The following NELFE variants were observed in gnomAD, a reference collection of about 807,000 sequenced individuals.
NELFE encodes the protein negative elongation factor E.
In NELFE, 26 loss-of-function variants were observed where a neutral mutation model predicts 55.5. That is an observed-to-expected ratio of 0.47 (90% CI 0.34 to 0.65). The LOEUF is 0.65. Ranked by LOEUF, NELFE falls within the 30% of genes least tolerant of loss-of-function variation. The pLI is 0.01. For missense variants in NELFE, 403 were observed against 506.9 expected (o/e 0.80, Z 1.97); for synonymous variants, 162 against 178.0 (o/e 0.91, Z 0.72).
Position 31,958,876 on chromosome 6 carries a change from A to G in NELFE, c.-9+16T>C, listed in dbSNP as rs1196162342. 1 of 607,694 alleles carries G rather than the reference A, an allele frequency of 1.6e-6. No homozygotes were observed. Among genetic ancestry groups the G allele is most frequent in the Non-Finnish European group, 2.9e-6 (1 of 341,304 alleles). The allele number at this position is 607,694 out of a possible 1,614,324, so 37.6% of individuals were successfully genotyped here. A position where few individuals can be genotyped will look rare whatever the true frequency, so the allele number is the denominator to read the frequency against. ...ATGAGAAAAAGGGCCGAAGAGTGAG[A>G]AGCAGAGGGCCTTACCCGAGGGGGC... On this transcript the variant is annotated intron_variant, in intron 1 of 10. Transcript: ENST00000375429.
chr6:31,955,628 T>A (rs955243983), intron 4 of NELFE, among the ~76,000 whole-genome samples: 2 of 151,300 alleles, frequency 1.3e-5, no homozygotes, highest in African/African-American at 4.9e-5. Context: ...TCTGTATTTT[T>A]TTTTTTTTTT....
rs1771999473 is a variant in NELFE, at chr6:31,955,100, TAA to T, written c.367-6_367-5del. On this transcript the variant is annotated splice_polypyrimidine_tract_variant and splice_region_variant and intron_variant, in intron 5 of 10. Transcript: ENST00000375429. ...TCCTCTGGGGACGTCTGGATGACTG[TAA>T]AAGAGACCAAGAACAGTTAAGATGA... 2 of 1,613,078 alleles carry T rather than the reference TAA, an allele frequency of 1.2e-6. No individual in the cohort carries two copies. Among genetic ancestry groups the T allele is most frequent in the Non-Finnish European group, 1.7e-6 (2 of 1,180,014 alleles).
Position 31,956,823 on chromosome 6 carries a change from G to A in NELFE, c.161C>T (p.Pro54Leu), listed in dbSNP as rs1772113971. The part of the protein sequence containing the change: ...GGVKRSLSEQ[P>L]VMDTATATEQ... ...TGTTGCTGTGGCTGTGTCCATGACAGGCTGCTCTGATAGTGCTGGAGAGAC... is the reference window on the plus strand; with the variant it reads ...TGTTGCTGTGGCTGTGTCCATGACAAGCTGCTCTGATAGTGCTGGAGAGAC... Residue 54 changes from proline to leucine, a missense_variant, in exon 4 of 11, where the codon CCT becomes CTT. Physicochemically the swap from Pro to Leu is moderately conservative, Grantham distance 98. Coordinates refer to ENST00000375429, the MANE Select transcript of NELFE (RefSeq NM_002904.6). The A allele has an allele frequency of 6.2e-7, 1 of 1,612,906 alleles. No homozygotes were observed. Among genetic ancestry groups the A allele is most frequent in the South Asian group, 1.1e-5 (1 of 91,090 alleles).
chr6:31,958,654 A>G, intron 1 of NELFE, 200 bp from the exon 2 acceptor site: 1 of 704,080 alleles, frequency 1.4e-6, no homozygotes, highest in Non-Finnish European at 2.6e-6. Context: ...GTCTCCAGGG[A>G]TCACAGACAC....
chr6:31,952,163 C>A lies in NELFE; in HGVS notation c.*138G>T. ...GTTGTTACACTGAGATCAAACCTGA[C>A]AGCCGTTTTTAAAGGTTTAACCCCA... is the stretch of plus-strand genomic sequence containing the variant. On this transcript the variant is annotated 3_prime_UTR_variant, in exon 11 of 11. Coordinates refer to ENST00000375429, the MANE Select transcript of NELFE (RefSeq NM_002904.6). 1 of 1,460,288 alleles carries A rather than the reference C, an allele frequency of 6.8e-7. No homozygotes were observed. The highest frequency in any genetic ancestry group is 1.2e-5 in the South Asian group (1 of 84,844). The allele number at this position is 1,460,288 out of a possible 1,614,324, so 90.5% of individuals were successfully genotyped here.
At chr6:31,957,484 G>A (rs1408847305) in intron 2 of NELFE, 7 of 457,780 alleles carry the variant, frequency 1.5e-5, no homozygotes, top group African/African-American at 4.0e-5. Context: ...AAGAGGTGCA[G>A]ATTATTCATA....
Position 31,958,910 on chromosome 6 carries a change from G to T in NELFE, c.-27C>A, listed in dbSNP as rs552049867. ...GCCTTACCCGAGGGGGCGGCAACCG[G>T]GGGCCCCACGGTCTCCGGCCGCGCC... On this transcript the variant is annotated 5_prime_UTR_variant, in exon 1 of 11. Transcript: ENST00000375429. 8.4e-6 allele frequency: 5 copies of T among 594,176 alleles called. No homozygotes were observed. The highest frequency in any genetic ancestry group is 1.9e-5 in the African/African-American group (1 of 53,666). The allele number at this position is 594,176 out of a possible 1,614,324, so 36.8% of individuals were successfully genotyped here.
Position 31,952,113 on chromosome 6 carries a change from G to C in NELFE, c.*188C>G, listed in dbSNP as rs1771811068. ...GTGTTCCAGATCCTTTTGGGGCAAG[G>C]GAGTGGGGAACAGGCACTGGCCATG... is the stretch of plus-strand genomic sequence containing the variant. On this transcript the variant is annotated 3_prime_UTR_variant, in exon 11 of 11. Transcript: ENST00000375429. 1 of 1,581,880 alleles carries C rather than the reference G, an allele frequency of 6.3e-7. No homozygotes were observed. The highest frequency in any genetic ancestry group is 1.3e-5 in the African/African-American group (1 of 74,288).
chr6:31,956,571 G>C (rs1772100383), intron 4 of NELFE, 122 bp downstream of exon 4: 1 of 1,028,980 alleles, frequency 9.7e-7, no homozygotes, highest in Non-Finnish European at 1.4e-6. Context: ...TTATACATGA[G>C]AGGTGAAACT....
Position 31,958,427 on chromosome 6 carries a change from C to T in NELFE, c.20G>A (p.Gly7Glu), listed in dbSNP as rs1478758627. ...CAGAGCCTCCTCTTCCTCGCTCAGTCCGGGGGGTATCACCAACATGGTGGC... is the reference window on the plus strand; with the variant it reads ...CAGAGCCTCCTCTTCCTCGCTCAGTTCGGGGGGTATCACCAACATGGTGGC... Reference protein sequence around the residue: MLVIPPGLSEEEEALQK... With the variant: MLVIPPELSEEEEALQK... The change falls in exon 2 of 11, where the codon GGA becomes GAA. Residue 7 changes from glycine (G) to glutamate (E), a missense_variant. Gly to Glu is a moderately conservative substitution (Grantham distance 98). Around this residue, in one of 3 missense-constraint regions of NELFE, gnomAD observed 97 missense variants for 155.3 expected, o/e 0.62. Coordinates refer to ENST00000375429, the MANE Select transcript of NELFE (RefSeq NM_002904.6). 1 of 1,613,104 alleles carries T rather than the reference C, an allele frequency of 6.2e-7. No individual in the cohort carries two copies. The highest frequency in any genetic ancestry group is 1.1e-5 in the South Asian group (1 of 91,088).
chr6:31,956,091 C>T (rs964522184), intron 4 of NELFE, among the ~76,000 whole-genome samples: 25 of 152,116 alleles, frequency 1.6e-4, no homozygotes, highest in African/African-American at 5.3e-4. Flanking sequence ...CCACCACGCC[C>T]GGCTAATTTT....
At chr6:31,953,979 T>C in intron 9 of NELFE, 101 bp downstream of exon 9, 1 of 1,422,342 alleles carries the variant, frequency 7.0e-7, no homozygotes, top group Non-Finnish European at 9.8e-7. Flanking sequence ...AGAGGCTTTC[T>C]TTATCAAGAG....
intron 10 of NELFE, among the ~76,000 whole-genome samples, chr6:31,952,884 T>C (rs1424115539): frequency 2.6e-5 from 4 of 152,208 alleles, no homozygotes; most frequent in African/African-American, 9.6e-5. Flanking sequence ...ATTCAGGGTG[T>C]AGCTTTGGCC....
chr6:31,953,856 G>A (rs1025727829), intron 9 of NELFE, 25 bp from the exon 10 acceptor site: 3 of 1,578,942 alleles, frequency 1.9e-6, no homozygotes, highest in Admixed American at 1.7e-5. Flanking sequence ...GGGAGGCAGA[G>A]GATGGGGAGG....
chr6:31,954,092 C>T lies in NELFE; in HGVS notation c.930G>A (p.Gln310=). The T allele has an allele frequency of 6.2e-7, 1 of 1,613,784 alleles. No homozygotes were observed. Residue 310 remains glutamine (Q), a synonymous_variant, in exon 9 of 11, where the codon CAG becomes CAA. Transcript: ENST00000375429. This position sits in a 1 kb window ranked among gnomAD's most constrained non-coding sequence, Gnocchi z 5.5. ...GGGAAGTTCCAACCTCAGCAACGGCCTGATCTGCTGACTCCATCTTTTCAT... is the reference window on the plus strand; with the variant it reads ...GGGAAGTTCCAACCTCAGCAACGGCTTGATCTGCTGACTCCATCTTTTCAT... ...VTYEKMESAD[Q]AVAELNGTQV...
rs757069365 is a variant in NELFE, at chr6:31,953,827, T to C, written c.947A>G (p.Asn316Ser). ...CTGTACAGACTCCACCTGGGTCCCG[T>C]TGAGCTGAAGCAGAAGAGGGGAGGC... ...ESADQAVAEL[N>S]GTQVESVQLK... is the part of the protein sequence containing the mutation. The change falls in exon 10 of 11, where the codon AAC (asparagine) becomes AGC (serine). Residue 316 changes from asparagine to serine, a missense_variant. Coordinates refer to ENST00000375429, the MANE Select transcript of NELFE (RefSeq NM_002904.6). 8.7e-6 allele frequency: 14 copies of C among 1,612,708 alleles called. No individual in the cohort carries two copies. In the South Asian group the frequency reaches 1.3e-4, roughly 15 times the overall value.
In NELFE at chr6:31,954,170, AG is replaced by A; in HGVS notation, c.888-37del. 1 of 1,611,516 alleles carries A rather than the reference AG, an allele frequency of 6.2e-7. No homozygotes were observed. The highest frequency in any genetic ancestry group is 8.5e-7 in the Non-Finnish European group (1 of 1,177,634). ...AGAAAACACGGTCAGTGGAGAGCCA[AG>A]GGGCTCTTCTGGACCCAACCAAACC... On this transcript the variant is annotated intron_variant, in intron 8 of 10. Transcript: ENST00000375429. This position sits in a 1 kb window ranked among gnomAD's most constrained non-coding sequence, Gnocchi z 5.5.
At chr6:31,955,197 G>A (rs1476974646) in intron 5 of NELFE, 22 bp downstream of exon 5, 9 of 1,611,246 alleles carry the variant, frequency 5.6e-6, no homozygotes, top group Non-Finnish European at 7.6e-6. Flanking sequence ...ACCCCTCAGG[G>A]ACAGAAATTA....
intron 2 of NELFE, 74 bp downstream of exon 2, chr6:31,958,298 T>C: frequency 1.4e-6 from 2 of 1,416,480 alleles, no homozygotes; most frequent in Non-Finnish European, 2.0e-6. Flanking sequence ...CCCCATTCGC[T>C]CACACTCACC....
Sources: gnomAD v4.1 joint callset for allele counts (sites outside exome capture counted in the v4.1 genomes callset) on GRCh38, gnomAD v4.1.1 for gene constraint, gnomAD v4.1.1 regional missense constraint, Gnocchi (gnomAD v3.1) non-coding constraint, MANE v1.5 for transcripts, NCBI Gene and HGNC (gene_info 2026-07-23, HGNC 2026-07-21) for gene names.